The following PTPRG variants were observed in gnomAD, a reference collection of about 807,000 sequenced individuals.
PTPRG encodes the protein protein tyrosine phosphatase receptor type G.
Under a neutral mutation model 165.3 loss-of-function variants are expected in PTPRG, and 102 were observed. The observed-to-expected ratio is 0.62, with a 90% confidence interval of 0.53 to 0.73. The LOEUF (loss-of-function observed/expected upper bound fraction) is 0.73, where lower values mean the gene tolerates loss of function less well. PTPRG is among the 30% of genes least tolerant of loss of function. PTPRG has a pLI of 0.00. For missense variants in PTPRG, 1,866 were observed against 1,861.4 expected, an observed-to-expected ratio of 1.00 and a Z score of -0.05; for synonymous variants, 675 against 669.5, an observed-to-expected ratio of 1.01 and a Z score of -0.13.
At chr3:62,081,294 A>C (rs1701571242) in intron 5 of PTPRG, among the ~76,000 whole-genome samples, 1 of 151,546 alleles carries the variant, frequency 6.6e-6, no homozygotes, top group Non-Finnish European at 1.5e-5. Flanking sequence ...ACAAACAAAC[A>C]AAAACATAAT....
At chr3:61,870,625 C>T (rs1196584089) in intron 2 of PTPRG, among the ~76,000 whole-genome samples, 2 of 149,670 alleles carry the variant, frequency 1.3e-5, no homozygotes, top group Admixed American at 6.7e-5. Flanking sequence ...AGGTGATCCA[C>T]CCACCTCAGC....
At chr3:61,887,170 A>ATTTTTTTTTT (rs869308871) in intron 2 of PTPRG, among the ~76,000 whole-genome samples, 5 of 115,534 alleles carry the variant, frequency 4.3e-5, no homozygotes, top group African/African-American at 1.6e-4. Context: ...ATATATATAT[A>ATTTTTTTTTT]TTTTTAATGC....
chr3:62,121,492 C>G (rs1171549899), intron 5 of PTPRG, among the ~76,000 whole-genome samples: 1 of 152,160 alleles, frequency 6.6e-6, no homozygotes, highest in Non-Finnish European at 1.5e-5. Flanking sequence ...GAATCGGGCT[C>G]TAGCATCCTG....
At chr3:61,967,685 C>G (rs2040301536) in intron 2 of PTPRG, among the ~76,000 whole-genome samples, 1 of 152,184 alleles carries the variant, frequency 6.6e-6, no homozygotes, top group Non-Finnish European at 1.5e-5. Flanking sequence ...GTAACTGCCA[C>G]TGAACACTGA....
At chr3:61,886,926 A>G (rs993956815) in intron 2 of PTPRG, among the ~76,000 whole-genome samples, 1 of 147,252 alleles carries the variant, frequency 6.8e-6, no homozygotes, top group African/African-American at 2.5e-5. Flanking sequence ...TTTTTTTTTT[A>G]AGTGAAGCTT....
rs892902303 is a variant in PTPRG, at chr3:62,031,463, C to T, written c.519+27966C>T. ...ATGGACAGAATGAAAATAAGATTAC[C>T]ATGATATGGAGAGGTAGACAGGGGA... On this transcript the variant is annotated intron_variant, in intron 4 of 29. Coordinates refer to ENST00000474889, the MANE Select transcript of PTPRG (RefSeq NM_002841.4). 2.0e-5 allele frequency among the ~76,000 whole-genome samples: 3 copies of T among 152,092 alleles called. No homozygotes were observed. In the South Asian group the frequency reaches 6.2e-4, roughly 32 times the overall value.
intron 1 of PTPRG, among the ~76,000 whole-genome samples, chr3:61,717,787 T>TTAAAAA (rs1486857190): frequency 4.7e-5 from 7 of 149,990 alleles, no homozygotes; most frequent in Non-Finnish European, 7.4e-5. Context: ...GACCCTGTCT[T>TTAAAAA]TAAAAATAAA....
intron 1 of PTPRG, among the ~76,000 whole-genome samples, chr3:61,738,295 T>C (rs1234576963): frequency 1.4e-5 from 1 of 69,670 alleles, no homozygotes; most frequent in African/African-American, 5.6e-5. Context: ...TATATATATA[T>C]ATATATATAT....
At position 61,562,267 on chromosome 3, in the gene PTPRG, T is replaced by G; in HGVS notation, c.-21T>G. ...CAAGTTTACCTCCCTGCTTTCCTCTTTTCGATGTGCGTTTTCGGACATGCG... is the reference window on the plus strand; with the variant it reads ...CAAGTTTACCTCCCTGCTTTCCTCTGTTCGATGTGCGTTTTCGGACATGCG... On this transcript the variant is annotated 5_prime_UTR_variant, in exon 1 of 30. Transcript: ENST00000474889. 1 of 1,610,200 alleles carries G rather than the reference T, an allele frequency of 6.2e-7. No individual in the cohort carries two copies. Among genetic ancestry groups the G allele is most frequent in the South Asian group, 1.1e-5 (1 of 91,022 alleles).
rs772178335 is a variant in PTPRG, at chr3:61,562,209, C to G, written c.-79C>G. On this transcript the variant is annotated 5_prime_UTR_variant, in exon 1 of 30. Coordinates refer to ENST00000474889, the MANE Select transcript of PTPRG (RefSeq NM_002841.4). ...GAGCCGGGGAAGCGCCCCGGCTTAGCGGAGGCTCGCACGGAGGCAAGAACT... is the reference window on the plus strand; with the variant it reads ...GAGCCGGGGAAGCGCCCCGGCTTAGGGGAGGCTCGCACGGAGGCAAGAACT... The G allele has an allele frequency of 1.7e-4, 233 of 1,354,792 alleles. 1 individual carries two copies. In the Admixed American group the frequency reaches 3.9e-3, roughly 23 times the overall value. 83.9% of individuals were successfully genotyped at this position (1,354,792 alleles called of 1,614,324 possible).
intron 2 of PTPRG, among the ~76,000 whole-genome samples, chr3:61,901,525 A>G (rs906202998): frequency 3.3e-5 from 5 of 152,246 alleles, no homozygotes; most frequent in African/African-American, 7.2e-5. Flanking sequence ...CTTGGAAACT[A>G]TAAATCCAAA....
intron 5 of PTPRG, among the ~76,000 whole-genome samples, chr3:62,081,891 G>C (rs940710277): frequency 2.6e-5 from 4 of 152,162 alleles, no homozygotes; most frequent in African/African-American, 9.7e-5. Context: ...AGAACGGTTT[G>C]TCATCTATTC....
At chr3:61,824,662 A>T (rs776452948) in intron 2 of PTPRG, among the ~76,000 whole-genome samples, 5 of 152,164 alleles carry the variant, frequency 3.3e-5, no homozygotes, top group Non-Finnish European at 5.9e-5. Flanking sequence ...TTAACTAGGT[A>T]TGGTGGCACA....
At chr3:61,822,921 G>A (rs992926264) in intron 2 of PTPRG, among the ~76,000 whole-genome samples, 1 of 152,170 alleles carries the variant, frequency 6.6e-6, no homozygotes, top group African/African-American at 2.4e-5. Context: ...ATGGCCGATG[G>A]TGACTTGAAA....
At chr3:61,768,490 A>G (rs1475904434) in intron 2 of PTPRG, among the ~76,000 whole-genome samples, 1 of 152,176 alleles carries the variant, frequency 6.6e-6, no homozygotes, top group Non-Finnish European at 1.5e-5. Context: ...GTCCCCGGCA[A>G]GTAGCTAAGT....
intron 1 of PTPRG, among the ~76,000 whole-genome samples, chr3:61,623,677 A>G (rs576518440): frequency 1.3e-5 from 2 of 152,300 alleles, no homozygotes; most frequent in South Asian, 4.1e-4. Flanking sequence ...GCAGAGATAA[A>G]ATATTGACAA....
rs73096602 is a variant in PTPRG, at chr3:62,165,911, G to C, written c.841-2060G>C. On this transcript the variant is annotated intron_variant, in intron 7 of 29. Coordinates refer to ENST00000474889, the MANE Select transcript of PTPRG (RefSeq NM_002841.4). Reference sequence around the variant, plus strand: ...TGAGAAACAGTGGGGGTTAGTTCCAGGGTTCAGGATGACCACCTAGAATTT... The same window carrying C: ...TGAGAAACAGTGGGGGTTAGTTCCACGGTTCAGGATGACCACCTAGAATTT... Among the ~76,000 whole-genome samples, 563 of 152,262 alleles carry C rather than the reference G, an allele frequency of 3.7e-3. 2 individuals carry two copies. Among genetic ancestry groups the C allele is most frequent in the Non-Finnish European group, 6.9e-3 (467 of 68,022 alleles).
intron 2 of PTPRG, among the ~76,000 whole-genome samples, chr3:61,757,127 G>C (rs533456533): frequency 2.0e-4 from 31 of 152,210 alleles, no homozygotes; most frequent in Middle Eastern, 3.4e-3. Flanking sequence ...GGAGGAGGTT[G>C]AACTACAGGA....
rs1701506861 is a variant in PTPRG at position 62,255,095 on chromosome 3, A to C, written c.2468-29A>C. On this transcript the variant is annotated intron_variant, in intron 15 of 29. Coordinates refer to ENST00000474889, the MANE Select transcript of PTPRG (RefSeq NM_002841.4). The surrounding 1 kb of genome is among the most constrained non-coding windows in gnomAD (Gnocchi z 4.0). ...TTTGTTTTATGGAAGTATTCTATGT[A>C]ACTTTGAATATTATTTTATTCCCCC... 6.4e-7 allele frequency: 1 copy of C among 1,567,972 alleles called. No individual in the cohort carries two copies.
Sources: allele counts gnomAD v4.1 joint callset (sites outside exome capture counted in the v4.1 genomes callset), GRCh38; gene constraint gnomAD v4.1.1; non-coding constraint Gnocchi (gnomAD v3.1); transcripts MANE v1.5; gene names NCBI Gene and HGNC (gene_info 2026-07-23, HGNC 2026-07-21).